The following MYO9B variants were observed in gnomAD, a reference collection of about 807,000 sequenced individuals.
MYO9B encodes myosin IXB, also known as unconventional myosin-IXb.
MYO9B carries 71 observed loss-of-function variants against 229.5 expected under a neutral mutation model. The observed-to-expected ratio is 0.31, with a 90% CI of 0.26 to 0.38. MYO9B has a LOEUF of 0.38. Ranked by LOEUF, MYO9B falls within the 10% of genes least tolerant of loss-of-function variation. The probability of loss-of-function intolerance (pLI) is 1.00; values close to 1 mark genes in which losing one functional copy is unlikely to be tolerated. For missense variants in MYO9B, 2,255 were observed against 2,920.5 expected, an observed-to-expected ratio of 0.77 and a Z score of 5.25; for synonymous variants, 1,185 against 1,235.8, an observed-to-expected ratio of 0.96 and a Z score of 0.86.
Position 17,143,734 on chromosome 19 carries a change from A to G in MYO9B, c.841-1663A>G, listed in dbSNP as rs566442494. Among the ~76,000 whole-genome samples, 379 of 152,224 alleles carry G rather than the reference A, an allele frequency of 2.5e-3. 4 individuals carry two copies. The highest frequency in any genetic ancestry group is 8.5e-3 in the African/African-American group (354 of 41,528). On this transcript the variant is annotated intron_variant, in intron 2 of 39. Transcript: ENST00000682292. ...TCAAGAGATCGAGACCATCCTAGCC[A>G]ACGTGGTGAAACCCCGTCTCTACTA...
intron 2 of MYO9B, among the ~76,000 whole-genome samples, chr19:17,123,460 G>GTGTGTGTGTGTGT (rs1599346304): frequency 6.6e-6 from 1 of 150,800 alleles, no homozygotes; most frequent in Non-Finnish European, 1.5e-5. Flanking sequence ...GTGTGTGTGT[G>GTGTGTGTGTGTGT]ATGGAGTTTC....
At chr19:17,138,717 C>T (rs1036350548) in intron 2 of MYO9B, among the ~76,000 whole-genome samples, 1 of 152,128 alleles carries the variant, frequency 6.6e-6, no homozygotes, top group Non-Finnish European at 1.5e-5. Flanking sequence ...GGGAGAAATG[C>T]GTCATTGGGT....
At chr19:17,199,700 CTT>C (rs59510773) in intron 24 of MYO9B, among the ~76,000 whole-genome samples, 2,939 of 68,736 alleles carry the variant, frequency 0.043, 92 homozygotes, top group African/African-American at 0.12. Flanking sequence ...CTTTTTTTTT[CTT>C]TTTTTTTTTT....
intron 30 of MYO9B, among the ~76,000 whole-genome samples, chr19:17,204,764 G>T (rs1280211809): frequency 6.6e-6 from 1 of 152,032 alleles, no homozygotes; most frequent in East Asian, 1.9e-4. Context: ...GGCCTGGGAG[G>T]TCAAGGCTCC....
In MYO9B at chr19:17,102,632, G is replaced by T; in HGVS notation, c.840+75G>T. 4 of 1,462,974 alleles carry T rather than the reference G, an allele frequency of 2.7e-6. No individual in the cohort carries two copies. The South Asian group carries it at 5.5e-5, about 20-fold the overall frequency. 90.6% of individuals were successfully genotyped at this position (1,462,974 alleles called of 1,614,324 possible). On this transcript the variant is annotated intron_variant, in intron 2 of 39. Coordinates refer to ENST00000682292, the MANE Select transcript of MYO9B (RefSeq NM_004145.4). ...ATGCGGGTTTCAGGCCAAGCTCGGT[G>T]GCCCACATCTATAATCCCAATGCTT...
intron 2 of MYO9B, among the ~76,000 whole-genome samples, chr19:17,112,097 C>T (rs549953419): frequency 6.6e-6 from 1 of 152,170 alleles, no homozygotes; most frequent in Admixed American, 6.5e-5. Flanking sequence ...TTCCTGGACC[C>T]CTGCCCCAGC....
At chr19:17,112,507 G>A (rs112437415) in intron 2 of MYO9B, among the ~76,000 whole-genome samples, 3 of 152,332 alleles carry the variant, frequency 2.0e-5, no homozygotes, top group Middle Eastern at 3.4e-3. Context: ...TCCCAAGTGC[G>A]ACAGAGAGGG....
intron 25 of MYO9B, 78 bp downstream of exon 25, chr19:17,200,504 C>T (rs980288985): frequency 6.6e-7 from 1 of 1,516,214 alleles, no homozygotes; most frequent in Non-Finnish European, 8.8e-7. Context: ...CCAAACGGGG[C>T]CTTGAGTTGG....
chr19:17,082,580 T>C (rs953033164), intron 1 of MYO9B, among the ~76,000 whole-genome samples: 7 of 151,720 alleles, frequency 4.6e-5, no homozygotes. Flanking sequence ...ATTCCCAGGG[T>C]ATGGGTACTC....
At chr19:17,168,115 G>C in intron 11 of MYO9B, 51 bp downstream of exon 11, 1 of 1,600,162 alleles carries the variant, frequency 6.2e-7, no homozygotes, top group Non-Finnish European at 8.5e-7. Context: ...TGGGCACTGG[G>C]TCAGGTTCTG....
intron 2 of MYO9B, among the ~76,000 whole-genome samples, chr19:17,143,262 C>T (rs1024528048): frequency 1.1e-4 from 17 of 151,714 alleles, no homozygotes; most frequent in African/African-American, 4.1e-4. Flanking sequence ...CAAACTTGAG[C>T]ACCACACACA....
intron 2 of MYO9B, among the ~76,000 whole-genome samples, chr19:17,106,927 G>A (rs556086605): frequency 1.3e-4 from 20 of 152,212 alleles, no homozygotes; most frequent in Non-Finnish European, 1.8e-4. Flanking sequence ...GCCAGGTGTG[G>A]TGGCGAGCGC....
intron 1 of MYO9B, among the ~76,000 whole-genome samples, chr19:17,083,637 G>A (rs2057554945): frequency 7.2e-6 from 1 of 138,944 alleles, no homozygotes; most frequent in South Asian, 2.4e-4. Flanking sequence ...GTCCTAGGAT[G>A]CTGCCCTCTT....
At position 17,172,708 on chromosome 19, in the gene MYO9B, C is replaced by T. The variant is rs1014904845; in HGVS notation, c.1936-51C>T. On this transcript the variant is annotated intron_variant, in intron 12 of 39. Transcript: ENST00000682292. This position sits in a 1 kb window ranked among gnomAD's most constrained non-coding sequence, Gnocchi z 8.2. ...GCGCCAGCCCGGGGTCTTTGGTAGG[C>T]GCCGGTGAGTGACTATCCCCGAGTG... 1.3e-4 allele frequency: 214 copies of T among 1,595,028 alleles called. No homozygotes were observed. Among genetic ancestry groups the T allele is most frequent in the Admixed American group, 2.5e-4 (15 of 59,854 alleles).
intron 2 of MYO9B, among the ~76,000 whole-genome samples, chr19:17,109,032 TTTTATTTATTTATTTATTTATTTATTTA>T (rs150315844): frequency 2.2e-5 from 3 of 136,558 alleles, no homozygotes; most frequent in Admixed American, 7.4e-5. Context: ...TTTTTTTTAA[TTTTATTTATTTATTTATTTATTTATTTA>T]TTTATTTATT....
At position 17,194,966 on chromosome 19, in the gene MYO9B, G is replaced by C; in HGVS notation, c.3539G>C (p.Arg1180Thr). Reference protein sequence around the residue: ...KEESALREPSRRVTQEQGVSL... With the variant: ...KEESALREPSTRVTQEQGVSL... ...GAGAGTGCCCTCAGAGAACCTTCCA[G>C]AAGGGTCACCCAGGAGCAAGGGGTG... The change falls in exon 22 of 40, where the codon AGA becomes ACA. Residue 1180 changes from arginine (R) to threonine (T), a missense_variant. Physicochemically the swap from Arg to Thr is moderately conservative, Grantham distance 71. This residue lies in a region of MYO9B where 679 missense variants were observed against 770.2 expected (regional missense o/e 0.88). Transcript: ENST00000682292. 1 of 1,613,376 alleles carries C rather than the reference G, an allele frequency of 6.2e-7. No homozygotes were observed. The highest frequency in any genetic ancestry group is 8.5e-7 in the Non-Finnish European group (1 of 1,179,884).
intron 18 of MYO9B, among the ~76,000 whole-genome samples, chr19:17,187,160 G>T (rs1312439363): frequency 6.6e-6 from 1 of 152,206 alleles, no homozygotes; most frequent in Non-Finnish European, 1.5e-5. Context: ...CTGGCAGGAA[G>T]CATCTCCCTG....
At chr19:17,181,733 G>GTTTCTTTC (rs527266607) in intron 15 of MYO9B, among the ~76,000 whole-genome samples, 5 of 152,134 alleles carry the variant, frequency 3.3e-5, no homozygotes, top group East Asian at 3.9e-4. Flanking sequence ...ATGAGAGCCA[G>GTTTCTTTC]TTTCTTTCTT....
intron 1 of MYO9B, among the ~76,000 whole-genome samples, chr19:17,081,195 T>G (rs1474994924): frequency 6.6e-6 from 1 of 152,008 alleles, no homozygotes; most frequent in Non-Finnish European, 1.5e-5. Flanking sequence ...GCCCAGCTAC[T>G]TTTTGTATTT....
Sources: gnomAD v4.1 joint callset for allele counts (sites outside exome capture counted in the v4.1 genomes callset) on GRCh38, gnomAD v4.1.1 for gene constraint, gnomAD v4.1.1 regional missense constraint, Gnocchi (gnomAD v3.1) non-coding constraint, MANE v1.5 for transcripts, NCBI Gene and HGNC (gene_info 2026-07-23, HGNC 2026-07-21) for gene names.